Variants in CCDC6 observed in about 807,000 individuals in gnomAD.
The protein encoded by CCDC6 is coiled-coil domain containing 6.
In CCDC6, 20 loss-of-function variants were observed where a neutral mutation model predicts 56.6. The observed-to-expected ratio is 0.35, with a 90% CI of 0.25 to 0.51. CCDC6 has a LOEUF of 0.51. Among genes scored for constraint, CCDC6 ranks in the 20% least tolerant of loss-of-function variants. CCDC6 has a pLI of 0.95. For missense variants in CCDC6, 367 were observed against 601.1 expected (o/e 0.61, Z 4.07); for synonymous variants, 241 against 234.4 (o/e 1.03, Z -0.26).
chr10:59,800,533 T>G (rs766949273), intron 7 of CCDC6, among the ~76,000 whole-genome samples: 1 of 152,230 alleles, frequency 6.6e-6, no homozygotes, highest in Non-Finnish European at 1.5e-5. Flanking sequence ...ATACTGCCAT[T>G]TGTTTAACTA....
chr10:59,858,578 A>G (rs1362816581), intron 1 of CCDC6, among the ~76,000 whole-genome samples: 2 of 152,134 alleles, frequency 1.3e-5, no homozygotes, highest in African/African-American at 4.8e-5. Flanking sequence ...GCTTTCATGA[A>G]AGACCAGGTA....
intron 1 of CCDC6, among the ~76,000 whole-genome samples, chr10:59,869,823 C>T (rs1406453398): frequency 6.6e-6 from 1 of 152,140 alleles, no homozygotes; most frequent in African/African-American, 2.4e-5. Context: ...CGTGGTCCAG[C>T]CTCTGCCTGC....
At position 59,810,481 on chromosome 10, in the gene CCDC6, A is replaced by G. The variant is rs2070663468; in HGVS notation, c.847+2154T>C. Among the ~76,000 whole-genome samples the G allele has an allele frequency of 2.7e-5, 4 of 149,186 alleles. No homozygotes were observed. The South Asian group carries it at 8.4e-4, about 31-fold the overall frequency. On this transcript the variant is annotated intron_variant, in intron 5 of 8. Coordinates refer to ENST00000263102, the MANE Select transcript of CCDC6 (RefSeq NM_005436.5). ...ATTTTTGCTAGGGGCACGATGGAGC[A>G]GTATAAAGGAGGAGGAAAAATGCAA...
At chr10:59,872,891 T>C (rs1021412456) in intron 1 of CCDC6, among the ~76,000 whole-genome samples, 2 of 152,094 alleles carry the variant, frequency 1.3e-5, no homozygotes, top group African/African-American at 4.8e-5. Context: ...GGTGAAAATC[T>C]AGCACAGGTC....
intron 7 of CCDC6, among the ~76,000 whole-genome samples, chr10:59,802,758 CT>C (rs1333965741): frequency 2.0e-5 from 3 of 152,166 alleles, no homozygotes; most frequent in African/African-American, 7.2e-5. Context: ...TAAGATTTTC[CT>C]GAAGAATCTT....
Position 59,882,504 on chromosome 10 carries a change from GAAGGA to G in CCDC6, c.303+23613_303+23617del, listed in dbSNP as rs1404229939. Among the ~76,000 whole-genome samples the G allele has an allele frequency of 2.6e-4, 18 of 69,300 alleles. 6 individuals are homozygous for G. The highest frequency in any genetic ancestry group is 2.7e-4 in the Admixed American group (2 of 7,372). The allele number at this position is 69,300 out of a possible 152,430, so 45.5% of individuals were successfully genotyped here. On this transcript the variant is annotated intron_variant, in intron 1 of 8. Transcript: ENST00000263102. ...GAGAAGGAAAGGAAAGCCGGGGGGA[GAAGGA>G]AAGGAAAGCCAGGGGGAGAAGGAAA...
intron 7 of CCDC6, among the ~76,000 whole-genome samples, chr10:59,800,818 C>T (rs2070568940): frequency 6.6e-6 from 1 of 152,026 alleles, no homozygotes. Context: ...CACCAGCTTA[C>T]TAAATATAAT....
chr10:59,869,375 T>C (rs1443888634), intron 1 of CCDC6, among the ~76,000 whole-genome samples: 6 of 95,298 alleles, frequency 6.3e-5, no homozygotes, highest in Non-Finnish European at 9.5e-5. Flanking sequence ...CAGTGAGACA[T>C]GGACTTGCTC....
chr10:59,884,060 G>C (rs1169098686), intron 1 of CCDC6, among the ~76,000 whole-genome samples: 1 of 152,140 alleles, frequency 6.6e-6, no homozygotes, highest in Non-Finnish European at 1.5e-5. Context: ...CCAATCTGTA[G>C]ATTCTTACTA....
At chr10:59,811,237 G>T (rs1264612385) in intron 5 of CCDC6, among the ~76,000 whole-genome samples, 1 of 152,166 alleles carries the variant, frequency 6.6e-6, no homozygotes, top group Non-Finnish European at 1.5e-5. Context: ...AGGCTCCAAG[G>T]ATGATACTGA....
At chr10:59,805,314 G>A (rs1241110775) in intron 6 of CCDC6, 1 of 152,164 alleles carries the variant, frequency 6.6e-6, no homozygotes, top group Non-Finnish European at 1.5e-5. Context: ...TAGACTAAGA[G>A]GCATCTTGTG....
chr10:59,886,183 A>C (rs567234977), intron 1 of CCDC6, among the ~76,000 whole-genome samples: 22 of 152,318 alleles, frequency 1.4e-4, no homozygotes, highest in African/African-American at 5.1e-4. Context: ...GAGTAAAATA[A>C]AACCACCAGA....
At chr10:59,904,159 T>C (rs1230930630) in intron 1 of CCDC6, among the ~76,000 whole-genome samples, 1 of 147,176 alleles carries the variant, frequency 6.8e-6, no homozygotes, top group Non-Finnish European at 1.5e-5. Context: ...CCACACGACA[T>C]TTCACAAAGT....
chr10:59,834,789 A>T (rs2070867340), intron 2 of CCDC6, among the ~76,000 whole-genome samples: 1 of 152,298 alleles, frequency 6.6e-6, no homozygotes, highest in African/African-American at 2.4e-5. Context: ...GTTCTGCAAG[A>T]CCAAGCAGCA....
At chr10:59,812,569 T>C (rs780136764) in intron 5 of CCDC6, 66 bp downstream of exon 5, 2 of 1,053,284 alleles carry the variant, frequency 1.9e-6, no homozygotes, top group Non-Finnish European at 1.4e-6. Context: ...ATGTTGGTAA[T>C]ACCCTATATT....
chr10:59,873,463 C>T (rs893671359), intron 1 of CCDC6, among the ~76,000 whole-genome samples: 3 of 152,130 alleles, frequency 2.0e-5, no homozygotes, highest in East Asian at 1.9e-4. Context: ...GGATCTTCCC[C>T]GGCCAGAGGT....
chr10:59,826,976 T>C (rs10994035), intron 3 of CCDC6, among the ~76,000 whole-genome samples: 12,999 of 152,220 alleles, frequency 0.085, 818 homozygotes, highest in African/African-American at 0.17. Context: ...CTTCATCTTA[T>C]AGGGAAGCTA....
intron 1 of CCDC6, among the ~76,000 whole-genome samples, chr10:59,886,205 C>T (rs1206345651): frequency 2.0e-5 from 3 of 151,984 alleles, no homozygotes; most frequent in East Asian, 3.9e-4. Flanking sequence ...AAACAGAGCC[C>T]GAAACGGACC....
chr10:59,879,774 A>G (rs992400501), intron 1 of CCDC6, among the ~76,000 whole-genome samples: 1 of 152,046 alleles, frequency 6.6e-6, no homozygotes, highest in Non-Finnish European at 1.5e-5. Context: ...ATATTACTCA[A>G]CCAAAGCCCC....
Sources: allele counts gnomAD v4.1 joint callset (sites outside exome capture counted in the v4.1 genomes callset), GRCh38; gene constraint gnomAD v4.1.1; transcripts MANE v1.5; gene names NCBI Gene and HGNC (gene_info 2026-07-23, HGNC 2026-07-21).